RAP1GAP2: variants seen among roughly 807,000 people sequenced by gnomAD.
RAP1GAP2 encodes RAP1 GTPase activating protein 2.
A neutral mutation model predicts 95.0 loss-of-function variants in RAP1GAP2; 27 were observed. That is an observed-to-expected ratio of 0.28 (90% CI 0.21 to 0.39). RAP1GAP2 has a LOEUF of 0.39. Ranked by LOEUF, RAP1GAP2 falls within the 10% of genes least tolerant of loss-of-function variation. RAP1GAP2 has a pLI of 1.00. For synonymous variants in RAP1GAP2, 373 were observed against 380.9 expected, an observed-to-expected ratio of 0.98 and a Z score of 0.24; for missense variants, 771 against 970.0, an observed-to-expected ratio of 0.79 and a Z score of 2.72.
chr17:3,009,319 A>T (rs2046436470), intron 17 of RAP1GAP2, among the ~76,000 whole-genome samples: 1 of 152,274 alleles, frequency 6.6e-6, no homozygotes, highest in African/African-American at 2.4e-5. Flanking sequence ...CACACACATT[A>T]TCCCACCTGG....
At position 2,817,848 on chromosome 17, in the gene RAP1GAP2, T is replaced by G. The variant is rs1197022138; in HGVS notation, c.80+17298T>G. 1.7e-5 allele frequency among the ~76,000 whole-genome samples: 2 copies of G among 117,134 alleles called. 1 individual carries two copies. Among genetic ancestry groups the G allele is most frequent in the Non-Finnish European group, 4.1e-5 (2 of 49,108 alleles). 76.8% of individuals were successfully genotyped at this position (117,134 alleles called of 152,430 possible). A position where few individuals can be genotyped will look rare whatever the true frequency, so the allele number is the denominator to read the frequency against. On this transcript the variant is annotated intron_variant, in intron 2 of 24. Transcript: ENST00000254695. The stretch of plus-strand genomic sequence containing the variant: ...TATGTTTAATTGTTTTTGTTTTGTT[T>G]TGTTTTTGAGATGGAGTCTGGCTTT...
intron 2 of RAP1GAP2, among the ~76,000 whole-genome samples, chr17:2,872,965 C>T (rs542359613): frequency 8.3e-4 from 126 of 151,786 alleles, no homozygotes; most frequent in African/African-American, 2.8e-3. Flanking sequence ...TAGCTGGGTG[C>T]GGTGGTGGGT....
chr17:2,905,205 C>A, intron 2 of RAP1GAP2, 79 bp from the exon 3 acceptor site: 1 of 1,360,062 alleles, frequency 7.4e-7, no homozygotes, highest in Non-Finnish European at 1.0e-6. Flanking sequence ...TAAACTGTGT[C>A]CGAGAGCCCA....
At chr17:2,942,952 A>G (rs2043554727) in intron 3 of RAP1GAP2, among the ~76,000 whole-genome samples, 1 of 152,032 alleles carries the variant, frequency 6.6e-6, no homozygotes, top group Non-Finnish European at 1.5e-5. Context: ...TATTTTTAGT[A>G]GAGATGGGGT....
At chr17:2,889,848 A>G (rs1330076310) in intron 2 of RAP1GAP2, among the ~76,000 whole-genome samples, 1 of 113,212 alleles carries the variant, frequency 8.8e-6, no homozygotes, top group Non-Finnish European at 1.8e-5. Flanking sequence ...ACGCCTGGCT[A>G]ATTTTTATGT....
At chr17:2,765,721 C>T (rs943922175) in intron 1 of RAP1GAP2, among the ~76,000 whole-genome samples, 12 of 149,206 alleles carry the variant, frequency 8.0e-5, no homozygotes, top group South Asian at 2.1e-4. Context: ...CCAGACTGGG[C>T]GACAGAGGGA....
At chr17:2,979,607 C>G (rs760589619) in intron 8 of RAP1GAP2, among the ~76,000 whole-genome samples, 1 of 151,634 alleles carries the variant, frequency 6.6e-6, no homozygotes, top group African/African-American at 2.4e-5. Context: ...GCTGGGATTA[C>G]AGGCACCCAC....
chr17:2,804,361 A>G (rs1306541182), intron 2 of RAP1GAP2, among the ~76,000 whole-genome samples: 4 of 152,206 alleles, frequency 2.6e-5, no homozygotes, highest in Admixed American at 1.3e-4. Context: ...GCAGGCACCA[A>G]TCCTCTCTGC....
At chr17:2,966,032 A>C in intron 8 of RAP1GAP2, 1 of 210,080 alleles carries the variant, frequency 4.8e-6, no homozygotes, top group East Asian at 1.2e-4. Context: ...CCTGTGGTAT[A>C]CATCTTGCCA....
At chr17:2,880,672 T>C (rs2073252647) in intron 2 of RAP1GAP2, among the ~76,000 whole-genome samples, 1 of 151,762 alleles carries the variant, frequency 6.6e-6, no homozygotes, top group African/African-American at 2.4e-5. Flanking sequence ...TACCATCTAC[T>C]TTCTGTCTCT....
chr17:3,031,670 T>C (rs2047306825), intron 23 of RAP1GAP2, among the ~76,000 whole-genome samples: 6 of 147,246 alleles, frequency 4.1e-5, no homozygotes, highest in Admixed American at 4.0e-4. Flanking sequence ...CCCAGTCCCT[T>C]TCTGAGCTCG....
rs2072099027 is a variant in RAP1GAP2 at position 2,855,586 on chromosome 17, G to C, written c.81-49698G>C. ...TAAAACATCTCTTTAAACATATGAA[G>C]TCACAAGAATTAATCTATTTTATTT... On this transcript the variant is annotated intron_variant, in intron 2 of 24. Coordinates refer to ENST00000254695, the MANE Select transcript of RAP1GAP2 (RefSeq NM_015085.5). This position sits in a 1 kb window ranked among gnomAD's most constrained non-coding sequence, Gnocchi z 4.3. Among the ~76,000 whole-genome samples the C allele has an allele frequency of 3.3e-5, 5 of 152,106 alleles. No individual in the cohort carries two copies. The South Asian group carries it at 1.0e-3, about 32-fold the overall frequency.
chr17:2,918,451 AAAG>A (rs1239218501), intron 3 of RAP1GAP2, among the ~76,000 whole-genome samples: 4 of 151,558 alleles, frequency 2.6e-5, no homozygotes, highest in African/African-American at 7.3e-5. Context: ...AAAAAAAAAA[AAAG>A]AAAGGTTTAA....
rs1278083634 is a variant in RAP1GAP2 at position 3,026,064 on chromosome 17, T to C, written c.1808T>C (p.Ile603Thr). ...TPDGGHSSQE[I>T]KSETSSNPSS... ...GATGGTGGACACTCCTCTCAGGAGA[T>C]AAAGTCTGAGACCTCATCCAATCCC... Residue 603 changes from isoleucine to threonine, a missense_variant, in exon 20 of 25, where the codon ATA becomes ACA. Physicochemically the swap from Ile to Thr is moderately conservative, Grantham distance 89. Coordinates refer to ENST00000254695, the MANE Select transcript of RAP1GAP2 (RefSeq NM_015085.5). The C allele has an allele frequency of 6.2e-7, 1 of 1,613,718 alleles. No individual in the cohort carries two copies. The highest frequency in any genetic ancestry group is 2.2e-5 in the East Asian group (1 of 44,870).
intron 2 of RAP1GAP2, among the ~76,000 whole-genome samples, chr17:2,850,694 G>A (rs1230634731): frequency 6.1e-5 from 9 of 146,400 alleles, no homozygotes; most frequent in Admixed American, 2.8e-4. Context: ...AAGTTGCAGT[G>A]AGCCAAGATC....
intron 2 of RAP1GAP2, among the ~76,000 whole-genome samples, chr17:2,806,141 G>C (rs904830206): frequency 6.6e-6 from 1 of 152,160 alleles, no homozygotes; most frequent in African/African-American, 2.4e-5. Context: ...CAGTTCTACT[G>C]TGGTTTGGCC....
Position 2,985,006 on chromosome 17 carries a change from T to C in RAP1GAP2, c.753T>C (p.Tyr251=). 1 of 1,613,732 alleles carries C rather than the reference T, an allele frequency of 6.2e-7. No individual in the cohort carries two copies. The highest frequency in any genetic ancestry group is 8.5e-7 in the Non-Finnish European group (1 of 1,179,814). ...YPKASQMIVS[Y]DEHEVNNTFK... is the part of the protein sequence containing the mutation. ...AGGCCTCCCAAATGATTGTGTCCTA[T>C]GATGAGCATGAAGTCAACAACACAT... The change falls in exon 11 of 25, where the codon TAT becomes TAC. Residue 251 remains tyrosine (Y), a synonymous_variant. Transcript: ENST00000254695.
intron 2 of RAP1GAP2, among the ~76,000 whole-genome samples, chr17:2,864,915 A>G (rs886432800): frequency 6.6e-6 from 1 of 152,250 alleles, no homozygotes; most frequent in African/African-American, 2.4e-5. Context: ...GGACAGAGAC[A>G]GAAACACTCG....
chr17:2,774,129 C>A (rs1232059857), upstream of RAP1GAP2, among the ~76,000 whole-genome samples: 1 of 152,114 alleles, frequency 6.6e-6, no homozygotes, highest in African/African-American at 2.4e-5. Context: ...TGCACCTGGG[C>A]AGCAGGGTGA....
Sources: gnomAD v4.1 joint callset for allele counts (sites outside exome capture counted in the v4.1 genomes callset) on GRCh38, gnomAD v4.1.1 for gene constraint, Gnocchi (gnomAD v3.1) non-coding constraint, MANE v1.5 for transcripts, NCBI Gene and HGNC (gene_info 2026-07-23, HGNC 2026-07-21) for gene names.